Variants in FHIT observed in about 807,000 individuals in gnomAD.
FHIT encodes the protein bis(5'-adenosyl)-triphosphatase.
In FHIT, 19 loss-of-function variants were observed where a neutral mutation model predicts 17.9. The ratio of observed to expected loss-of-function variants is 1.06; its 90% CI spans 0.74 to 1.56. FHIT has a LOEUF of 1.56. FHIT is among the 40% of genes most tolerant of loss of function. The probability of loss-of-function intolerance (pLI) is 0.00; values close to 1 mark genes in which losing one functional copy is unlikely to be tolerated. For missense variants in FHIT, 248 were observed against 189.2 expected (o/e 1.31, Z -1.82); for synonymous variants, 81 against 69.7 (o/e 1.16, Z -0.81).
At chr3:60,913,985 G>A (rs912168475) in intron 3 of FHIT, among the ~76,000 whole-genome samples, 1 of 152,198 alleles carries the variant, frequency 6.6e-6, no homozygotes, top group Non-Finnish European at 1.5e-5. Context: ...ATCGAATTGA[G>A]TCAAAAGGCA....
intron 5 of FHIT, among the ~76,000 whole-genome samples, chr3:60,522,108 T>TG (rs1553640650): frequency 6.8e-6 from 1 of 147,602 alleles, no homozygotes; most frequent in East Asian, 2.0e-4. Context: ...AACCAGAAGT[T>TG]TTTTTTTTTT....
chr3:59,857,531 A>ATTAT (rs10678623), intron 8 of FHIT, among the ~76,000 whole-genome samples: 88,351 of 151,294 alleles, frequency 0.58, 27,746 homozygotes, highest in African/African-American at 0.83. Flanking sequence ...ATAGGACAAG[A>ATTAT]TTATACAAAT....
At chr3:60,949,089 G>A (rs898878013) in intron 3 of FHIT, among the ~76,000 whole-genome samples, 14 of 152,100 alleles carry the variant, frequency 9.2e-5, no homozygotes, top group East Asian at 1.9e-4. Context: ...TAGAAAAAGC[G>A]TTGACACTTA....
chr3:60,799,359 A>T (rs554485557), intron 4 of FHIT, among the ~76,000 whole-genome samples: 1 of 152,192 alleles, frequency 6.6e-6, no homozygotes, highest in Non-Finnish European at 1.5e-5. Flanking sequence ...TTTTTAGTAG[A>T]GACAGGGTTT....
chr3:60,441,004 G>C (rs753776010), intron 5 of FHIT, among the ~76,000 whole-genome samples: 256 of 152,090 alleles, frequency 1.7e-3, no homozygotes, highest in Non-Finnish European at 2.8e-3. Context: ...AAGTTAAAAA[G>C]AGTCATCCTT....
intron 4 of FHIT, among the ~76,000 whole-genome samples, chr3:60,629,293 G>A (rs1017374106): frequency 1.3e-5 from 2 of 152,132 alleles, no homozygotes; most frequent in Non-Finnish European, 2.9e-5. Context: ...TAGATAGCAG[G>A]CTGTGTCTGA....
At chr3:59,986,043 T>C (rs549929376) in intron 7 of FHIT, among the ~76,000 whole-genome samples, 1 of 152,176 alleles carries the variant, frequency 6.6e-6, no homozygotes, top group East Asian at 1.9e-4. Context: ...TATCACTTCC[T>C]TTGCGGTCTG....
chr3:59,813,774 C>G (rs1242840614), intron 8 of FHIT, among the ~76,000 whole-genome samples: 1 of 152,152 alleles, frequency 6.6e-6, no homozygotes, highest in Non-Finnish European at 1.5e-5. Context: ...GTATTCCTAG[C>G]TCCTGGTGCG....
At chr3:60,299,457 T>C (rs1227921036) in intron 5 of FHIT, among the ~76,000 whole-genome samples, 1 of 152,152 alleles carries the variant, frequency 6.6e-6, no homozygotes, top group Non-Finnish European at 1.5e-5. Flanking sequence ...TTCCCTTTCA[T>C]ATTTGAAAGA....
intron 5 of FHIT, among the ~76,000 whole-genome samples, chr3:60,069,942 C>T (rs544532510): frequency 4.1e-4 from 62 of 152,320 alleles, no homozygotes; most frequent in Middle Eastern, 6.8e-3. Context: ...TTTCTCCTCG[C>T]TCTTTACTCG....
At chr3:60,550,909 T>C (rs1436846469) in intron 4 of FHIT, among the ~76,000 whole-genome samples, 2 of 152,096 alleles carry the variant, frequency 1.3e-5, no homozygotes, top group Non-Finnish European at 2.9e-5. Context: ...AATATTCTGA[T>C]TGTGACTTGA....
At chr3:60,889,844 G>A (rs1705421185) in intron 3 of FHIT, among the ~76,000 whole-genome samples, 1 of 152,034 alleles carries the variant, frequency 6.6e-6, no homozygotes, top group Non-Finnish European at 1.5e-5. Context: ...TGGTAGACAG[G>A]ACAAAAAGGT....
At chr3:59,910,041 A>C (rs1172991704) in intron 8 of FHIT, among the ~76,000 whole-genome samples, 1 of 152,196 alleles carries the variant, frequency 6.6e-6, no homozygotes, top group Non-Finnish European at 1.5e-5. Flanking sequence ...CAGTGAATTT[A>C]GAAAGCTTAT....
At chr3:60,787,449 C>G (rs758665182) in intron 4 of FHIT, among the ~76,000 whole-genome samples, 10 of 152,200 alleles carry the variant, frequency 6.6e-5, no homozygotes, top group Non-Finnish European at 1.3e-4. Flanking sequence ...ACAGGGATCA[C>G]TGTTGTAATT....
chr3:60,197,483 G>A (rs1292540923), intron 5 of FHIT, among the ~76,000 whole-genome samples: 1 of 152,094 alleles, frequency 6.6e-6, no homozygotes, highest in Non-Finnish European at 1.5e-5. Context: ...CAATGCCAAA[G>A]CAGTTGTGAA....
chr3:60,336,527 A>G (rs576173496), intron 5 of FHIT, among the ~76,000 whole-genome samples: 44 of 152,328 alleles, frequency 2.9e-4, no homozygotes, highest in African/African-American at 1.0e-3. Flanking sequence ...CATTTATCAC[A>G]TTTTGTGCTC....
chr3:60,461,717 A>G (rs1033879908), intron 5 of FHIT, among the ~76,000 whole-genome samples: 34 of 152,294 alleles, frequency 2.2e-4, no homozygotes, highest in African/African-American at 8.2e-4. Context: ...TCTCTCACCC[A>G]ATAGCCTTAG....
At chr3:60,269,938 G>T (rs1228028515) in intron 5 of FHIT, among the ~76,000 whole-genome samples, 1 of 152,162 alleles carries the variant, frequency 6.6e-6, no homozygotes, top group Non-Finnish European at 1.5e-5. Flanking sequence ...CTCATGGGTT[G>T]GTTAGAAGAT....
At chr3:61,039,706 G>T (rs2033416689) in intron 3 of FHIT, among the ~76,000 whole-genome samples, 1 of 152,126 alleles carries the variant, frequency 6.6e-6, no homozygotes, top group African/African-American at 2.4e-5. Context: ...CCTATTTGAG[G>T]GGTAGGAGTC....
Sources: gnomAD v4.1 joint callset for allele counts (sites outside exome capture counted in the v4.1 genomes callset) on GRCh38, gnomAD v4.1.1 for gene constraint, MANE v1.5 for transcripts, NCBI Gene and HGNC (gene_info 2026-07-23, HGNC 2026-07-21) for gene names.